DENND1B: variants seen among roughly 807,000 people sequenced by gnomAD.
DENND1B encodes DENN domain containing 1B.
A neutral mutation model predicts 90.1 loss-of-function variants in DENND1B; 59 were observed. The observed-to-expected ratio is 0.65, with a 90% CI of 0.53 to 0.81. The LOEUF (loss-of-function observed/expected upper bound fraction) is 0.81. Ranked by LOEUF, DENND1B falls within the 40% of genes least tolerant of loss-of-function variation. The pLI is 0.00. For missense variants in DENND1B, 862 were observed against 912.6 expected (o/e 0.94, Z 0.71); for synonymous variants, 337 against 324.6 (o/e 1.04, Z -0.41).
chr1:197,516,981 C>G (rs1279205884), intron 20 of DENND1B, among the ~76,000 whole-genome samples: 1 of 151,798 alleles, frequency 6.6e-6, no homozygotes, highest in African/African-American at 2.4e-5. Flanking sequence ...CTCTGTATGG[C>G]CACATATTTG....
chr1:197,692,615 G>A (rs1254393041), intron 3 of DENND1B, among the ~76,000 whole-genome samples: 1 of 151,660 alleles, frequency 6.6e-6, no homozygotes, highest in Non-Finnish European at 1.5e-5. Context: ...TAACTCCACA[G>A]ACAATCATGT....
intron 2 of DENND1B, among the ~76,000 whole-genome samples, chr1:197,771,230 T>G (rs1298823368): frequency 6.6e-6 from 1 of 152,158 alleles, no homozygotes; most frequent in East Asian, 1.9e-4. Context: ...CAATATCAGA[T>G]GAGCGTTACT....
chr1:197,644,586 T>C (rs1045991096), intron 9 of DENND1B, among the ~76,000 whole-genome samples: 2 of 152,058 alleles, frequency 1.3e-5, no homozygotes, highest in Non-Finnish European at 2.9e-5. Flanking sequence ...GTACCTGGCC[T>C]ACAGTGTACA....
intron 3 of DENND1B, among the ~76,000 whole-genome samples, chr1:197,700,967 T>G (rs192167811): frequency 1.3e-5 from 2 of 152,024 alleles, no homozygotes; most frequent in Admixed American, 1.3e-4. Flanking sequence ...GAAACAGGAA[T>G]GCTTTGTTGG....
intron 13 of DENND1B, among the ~76,000 whole-genome samples, chr1:197,595,968 T>C (rs917719915): frequency 1.3e-5 from 2 of 151,956 alleles, no homozygotes; most frequent in Non-Finnish European, 2.9e-5. Context: ...AATGAAGAAA[T>C]AGAGGAACAA....
chr1:197,548,812 A>G (rs1334814988), intron 16 of DENND1B, among the ~76,000 whole-genome samples: 3 of 152,134 alleles, frequency 2.0e-5, no homozygotes, highest in African/African-American at 4.8e-5. Flanking sequence ...GAAGGTTAAT[A>G]GAGAGAATTA....
At chr1:197,747,037 C>A in intron 2 of DENND1B, 2 of 807,214 alleles carry the variant, frequency 2.5e-6, no homozygotes, top group South Asian at 1.3e-5. Flanking sequence ...GCGTTCAAAT[C>A]AATCATTGAC....
chr1:197,521,652 AAAT>A (rs1668786818), intron 20 of DENND1B, among the ~76,000 whole-genome samples: 1 of 152,024 alleles, frequency 6.6e-6, no homozygotes, highest in Non-Finnish European at 1.5e-5. Flanking sequence ...TGAATAAATT[AAAT>A]AATAATGTAT....
At chr1:197,657,614 C>T (rs905235563) in intron 6 of DENND1B, among the ~76,000 whole-genome samples, 3 of 152,092 alleles carry the variant, frequency 2.0e-5, no homozygotes, top group South Asian at 2.1e-4. Flanking sequence ...GTGAGGGAAA[C>T]GGAACCCTTG....
intron 1 of DENND1B, among the ~76,000 whole-genome samples, chr1:197,773,729 A>G (rs1571708736): frequency 1.3e-5 from 2 of 152,348 alleles, no homozygotes; most frequent in East Asian, 3.9e-4. Flanking sequence ...ACATTGGTTA[A>G]ATTTCAAAAA....
At chr1:197,675,302 AGAATTTC>A (rs1655943238) in intron 3 of DENND1B, among the ~76,000 whole-genome samples, 2 of 152,174 alleles carry the variant, frequency 1.3e-5, no homozygotes, top group Non-Finnish European at 2.9e-5. Context: ...GTTTTAAAGT[AGAATTTC>A]TTGCATTCTT....
intron 6 of DENND1B, among the ~76,000 whole-genome samples, chr1:197,653,352 A>G (rs1035113985): frequency 1.3e-5 from 2 of 152,084 alleles, no homozygotes; most frequent in African/African-American, 2.4e-5. Context: ...TAAACAATTT[A>G]CCTCTTGGAC....
chr1:197,630,454 G>T (rs925697062), intron 10 of DENND1B, among the ~76,000 whole-genome samples: 3 of 152,062 alleles, frequency 2.0e-5, no homozygotes, highest in Non-Finnish European at 4.4e-5. Flanking sequence ...GAGGGCTCAT[G>T]ATTTCATTAC....
chr1:197,688,996 A>G (rs1445064667), intron 3 of DENND1B: 2 of 215,430 alleles, frequency 9.3e-6, no homozygotes, highest in Admixed American at 8.3e-5. Flanking sequence ...CCACATGGGA[A>G]TCTGAGACCA....
At chr1:197,745,628 A>AAAT (rs1663657395) in intron 2 of DENND1B, among the ~76,000 whole-genome samples, 1 of 145,926 alleles carries the variant, frequency 6.9e-6, no homozygotes, top group South Asian at 2.1e-4. Context: ...ATATATATAT[A>AAAT]TATATATATA....
rs187382151 is a variant in DENND1B at position 197,664,809 on chromosome 1, C to T, written c.297-6440G>A. On this transcript the variant is annotated intron_variant, in intron 5 of 22. Transcript: ENST00000620048. ...AAACATTCTGCTTCTAAGGGATTTG[C>T]CCAAAGGAAGAGTGTGAAAGCTTTA... Among the ~76,000 whole-genome samples the T allele has an allele frequency of 1.3e-4, 19 of 151,946 alleles. 1 individual carries two copies. Among genetic ancestry groups the T allele is most frequent in the African/African-American group, 4.6e-4 (19 of 41,464 alleles).
intron 20 of DENND1B, among the ~76,000 whole-genome samples, chr1:197,529,957 G>A (rs1031778635): frequency 6.6e-6 from 1 of 152,128 alleles, no homozygotes; most frequent in Non-Finnish European, 1.5e-5. Flanking sequence ...GGCTGGGGCT[G>A]CTGTTGGAAC....
At chr1:197,679,633 T>C (rs1572295396) in intron 3 of DENND1B, among the ~76,000 whole-genome samples, 1 of 150,082 alleles carries the variant, frequency 6.7e-6, no homozygotes, top group South Asian at 2.1e-4. Context: ...AAAATATATA[T>C]GTATCTAAAT....
At chr1:197,528,944 G>A (rs1162740089) in intron 20 of DENND1B, among the ~76,000 whole-genome samples, 1 of 151,682 alleles carries the variant, frequency 6.6e-6, no homozygotes, top group Non-Finnish European at 1.5e-5. Flanking sequence ...ACTATATTAA[G>A]TAAAATAAAC....
Sources: gnomAD v4.1 joint callset for allele counts (sites outside exome capture counted in the v4.1 genomes callset) on GRCh38, gnomAD v4.1.1 for gene constraint, MANE v1.5 for transcripts, NCBI Gene and HGNC (gene_info 2026-07-23, HGNC 2026-07-21) for gene names.